ZC3H12B: variants seen among roughly 807,000 people sequenced by gnomAD.
ZC3H12B encodes probable ribonuclease ZC3H12B.
Under a neutral mutation model 43.9 loss-of-function variants are expected in ZC3H12B, and 7 were observed. The observed-to-expected ratio is 0.16, with a 90% CI of 0.09 to 0.30. ZC3H12B has a LOEUF of 0.30. Ranked by LOEUF, ZC3H12B falls within the 10% of genes least tolerant of loss-of-function variation. The pLI is 1.00. For missense variants in ZC3H12B, 475 were observed against 670.2 expected (o/e 0.71, Z 3.22); for synonymous variants, 222 against 241.7 (o/e 0.92, Z 0.76).
the ZC3H12B span, among the ~76,000 whole-genome samples, chrX:65,196,695 C>G: frequency 1.8e-5 from 2 of 111,087 alleles, no homozygotes; most frequent in Non-Finnish European, 3.8e-5. Flanking sequence ...TGGAGCAGCC[C>G]TAGCTCCGTT....
chrX:65,217,273 A>T, the ZC3H12B span, among the ~76,000 whole-genome samples: 1 of 112,245 alleles, frequency 8.9e-6, no homozygotes, highest in East Asian at 2.8e-4. Flanking sequence ...GGCTGCAGGA[A>T]CCACAGGCGT....
At chrX:65,054,518 T>A in the ZC3H12B span, among the ~76,000 whole-genome samples, 6 of 111,686 alleles carry the variant, frequency 5.4e-5, no homozygotes, top group African/African-American at 1.9e-4. Context: ...AGTCAGGTAG[T>A]GTGATGCCTC....
At chrX:65,274,664 C>A in the ZC3H12B span, among the ~76,000 whole-genome samples, 3 of 109,586 alleles carry the variant, frequency 2.7e-5, no homozygotes, top group Admixed American at 2.9e-4. Flanking sequence ...GCCCGTGGAC[C>A]AGTGAAGTGG....
the ZC3H12B span, among the ~76,000 whole-genome samples, chrX:65,172,061 C>A: frequency 8.9e-6 from 1 of 112,505 alleles, no homozygotes; most frequent in Non-Finnish European, 1.9e-5. Flanking sequence ...GAGATGAACC[C>A]AGTACCTCAG....
intron 3 of ZC3H12B, among the ~76,000 whole-genome samples, chrX:65,450,252 T>C (rs1285296440): frequency 4.1e-5 from 4 of 98,637 alleles, no homozygotes; most frequent in Non-Finnish European, 8.0e-5. Context: ...TGCAGTGAGC[T>C]GAAATCATGT....
the ZC3H12B span, among the ~76,000 whole-genome samples, chrX:65,058,368 G>A: frequency 8.9e-6 from 1 of 112,284 alleles, no homozygotes; most frequent in East Asian, 2.8e-4. Flanking sequence ...CTGGGTATCA[G>A]CAGCAGAGGC....
chrX:65,373,874 C>A (rs2066282811), intron 2 of ZC3H12B, among the ~76,000 whole-genome samples: 1 of 18,898 alleles, frequency 5.3e-5, no homozygotes, highest in African/African-American at 9.9e-5. Flanking sequence ...GCACATGTAC[C>A]CTAGAACTTA....
At chrX:65,130,099 C>T in the ZC3H12B span, among the ~76,000 whole-genome samples, 2 of 111,215 alleles carry the variant, frequency 1.8e-5, no homozygotes, top group African/African-American at 6.6e-5. Context: ...GCTTGGTTGG[C>T]AAGTTTTTGG....
chrX:65,232,576 C>G, the ZC3H12B span, among the ~76,000 whole-genome samples: 3 of 110,574 alleles, frequency 2.7e-5, no homozygotes, highest in Non-Finnish European at 3.8e-5. Flanking sequence ...ATGGTATTCA[C>G]AAAGCAAAAA....
At chrX:65,393,515 G>T (rs1023403181) in intron 2 of ZC3H12B, among the ~76,000 whole-genome samples, 1 of 111,036 alleles carries the variant, frequency 9.0e-6, no homozygotes, top group African/African-American at 3.3e-5. Context: ...TGTTCTCATT[G>T]TTCAACTCCC....
intron 3 of ZC3H12B, among the ~76,000 whole-genome samples, chrX:65,436,825 C>A (rs1390759892): frequency 9.0e-6 from 1 of 111,610 alleles, no homozygotes; most frequent in Non-Finnish European, 1.9e-5. Context: ...TTTATCATTT[C>A]TTTGTGTTAC....
At chrX:65,406,457 TA>T (rs1262232461) in intron 3 of ZC3H12B, among the ~76,000 whole-genome samples, 1,952 of 90,440 alleles carry the variant, frequency 0.022, 18 homozygotes, top group Non-Finnish European at 0.024. Flanking sequence ...CCTTCATGAT[TA>T]AAAAAAAAAA....
At chrX:65,050,178 A>G in the ZC3H12B span, among the ~76,000 whole-genome samples, 1 of 111,129 alleles carries the variant, frequency 9.0e-6, no homozygotes, top group Non-Finnish European at 1.9e-5. Context: ...ATGCCATTGA[A>G]AATACAATTG....
In ZC3H12B at chrX:65,502,328, G is replaced by A. The variant is rs780691808; in HGVS notation, c.1630G>A (p.Gly544Ser). The change falls in exon 5 of 5, where the codon GGC becomes AGC. Residue 544 changes from glycine to serine, a missense_variant. Gly to Ser is a moderately conservative substitution (Grantham distance 56). This residue lies in a region of ZC3H12B where 289 missense variants were observed against 359.9 expected (regional missense o/e 0.80). Transcript: ENST00000338957. Reference sequence around the variant, plus strand: ...AAAGTTTGAATCCATGGGGGACCATGGCTACTATTCAATGTTAGGTGACTT... The same window carrying A: ...AAAGTTTGAATCCATGGGGGACCATAGCTACTATTCAATGTTAGGTGACTT... The A allele has an allele frequency of 4.4e-5, 53 of 1,209,385 alleles. No individual in the cohort carries two copies. The highest frequency in any genetic ancestry group is 4.8e-5 in the Non-Finnish European group (43 of 895,051).
At chrX:65,232,636 C>T in the ZC3H12B span, among the ~76,000 whole-genome samples, 1 of 111,038 alleles carries the variant, frequency 9.0e-6, no homozygotes, top group South Asian at 3.8e-4. Flanking sequence ...AACATACTAC[C>T]AGAGAAAATC....
the ZC3H12B span, among the ~76,000 whole-genome samples, chrX:65,100,053 G>T: frequency 8.9e-6 from 1 of 111,749 alleles, no homozygotes; most frequent in Non-Finnish European, 1.9e-5. Flanking sequence ...ACTGATGATG[G>T]AGCTGAAAAA....
the ZC3H12B span, among the ~76,000 whole-genome samples, chrX:65,287,493 C>T: frequency 1.8e-5 from 2 of 110,386 alleles, no homozygotes; most frequent in African/African-American, 6.6e-5. Context: ...TGGTGGCTCA[C>T]ACCTGTAATC....
the ZC3H12B span, among the ~76,000 whole-genome samples, chrX:65,211,290 TA>T: frequency 9.2e-6 from 1 of 109,013 alleles, no homozygotes; most frequent in Non-Finnish European, 1.9e-5. Context: ...TCTTTTGCTG[TA>T]AGAATTTATT....
At chrX:65,450,545 GTGTATATATGTATATGTA>G in intron 3 of ZC3H12B, among the ~76,000 whole-genome samples, 1 of 8 alleles carries the variant, frequency 0.12, no homozygotes, top group East Asian at 1. Flanking sequence ...GTATACATAT[GTGTATATATGTATATGTA>G]TACATATGTG....
Sources: allele counts gnomAD v4.1 joint callset (sites outside exome capture counted in the v4.1 genomes callset), GRCh38; gene constraint gnomAD v4.1.1; regional missense constraint gnomAD v4.1.1; transcripts MANE v1.5; gene names NCBI Gene and HGNC (gene_info 2026-07-23, HGNC 2026-07-21).